NAV1: variants seen among roughly 807,000 people sequenced by gnomAD.
NAV1 encodes pore membrane and/or filament interacting like protein 3.
Under a neutral mutation model 175.2 loss-of-function variants are expected in NAV1, and 18 were observed. That is an observed-to-expected ratio of 0.10 (90% CI 0.07 to 0.15). The LOEUF is 0.15. Ranked by LOEUF, NAV1 falls within the 10% of genes least tolerant of loss-of-function variation. NAV1 has a pLI of 1.00. For missense variants in NAV1, 1,731 were observed against 2,436.6 expected, an observed-to-expected ratio of 0.71 and a Z score of 6.10; for synonymous variants, 897 against 978.7, an observed-to-expected ratio of 0.92 and a Z score of 1.56.
intron 1 of NAV1, among the ~76,000 whole-genome samples, chr1:201,665,590 A>ACCCCCCCC (rs3053790): frequency 5.4e-5 from 7 of 128,530 alleles, no homozygotes; most frequent in South Asian, 2.5e-4. Flanking sequence ...AGAGCACCCC[A>ACCCCCCCC]CCCCCCCCAC....
intron 1 of NAV1, among the ~76,000 whole-genome samples, chr1:201,656,861 T>G (rs1016168434): frequency 6.6e-6 from 1 of 152,204 alleles, no homozygotes; most frequent in Admixed American, 6.5e-5. Flanking sequence ...TTTGGACTCC[T>G]TGGCTTCTTT....
chr1:201,574,773 G>A lies in NAV1; in HGVS notation c.-143-13766G>A, dbSNP rs529928772. 3.9e-5 allele frequency among the ~76,000 whole-genome samples: 6 copies of A among 152,308 alleles called. No individual in the cohort carries two copies. In the South Asian group the frequency reaches 1.0e-3, roughly 26 times the overall value. On this transcript the variant is annotated intron_variant, in intron 1 of 33. Coordinates refer to the NAV1 transcript ENST00000685211. ...ACCACCACCGTCACCAGCGTTGGGA[G>A]CCCTGACCCTCCCTGCCTCTGTTTA...
chr1:201,642,977 TGTTAGCCAGGATGG>T lies in NAV1; in HGVS notation c.5-5656_5-5643del, dbSNP rs1450220827. ...TTTTAGTAGAGAAGGGGTTTCACCG[TGTTAGCCAGGATGG>T]TCTCAATCTCCTGACCTCGTGATCC... On this transcript the variant is annotated intron_variant, in intron 2 of 29. Transcript: ENST00000367302. Among the ~76,000 whole-genome samples the T allele has an allele frequency of 3.6e-3, 541 of 152,154 alleles. 2 individuals are homozygous for T. The highest frequency in any genetic ancestry group is 0.012 in the African/African-American group (491 of 41,520).
intron 1 of NAV1, among the ~76,000 whole-genome samples, chr1:201,649,888 C>G (rs1669121546): frequency 6.6e-6 from 1 of 152,156 alleles, no homozygotes; most frequent in Non-Finnish European, 1.5e-5. Flanking sequence ...CTGATTGGCC[C>G]CGGAACACAG....
intron 1 of NAV1, among the ~76,000 whole-genome samples, chr1:201,587,160 A>G (rs1667055778): frequency 6.6e-6 from 1 of 152,160 alleles, no homozygotes. Flanking sequence ...GCAGTGAGCC[A>G]CGGTTGTGCC....
At chr1:201,784,648 C>G (rs57102596) in intron 7 of NAV1, among the ~76,000 whole-genome samples, 5,744 of 151,662 alleles carry the variant, frequency 0.038, 243 homozygotes, top group African/African-American at 0.11. Flanking sequence ...AGCAATCCTC[C>G]TGCCTCAGCC....
At chr1:201,709,697 A>C (rs933445934) in intron 1 of NAV1, among the ~76,000 whole-genome samples, 2 of 152,178 alleles carry the variant, frequency 1.3e-5, no homozygotes, top group African/African-American at 4.8e-5. Flanking sequence ...TGCAGGGTGT[A>C]GCCTCTGCAG....
chr1:201,621,316 A>T (rs1399804635), upstream of NAV1, among the ~76,000 whole-genome samples: 2 of 148,888 alleles, frequency 1.3e-5, no homozygotes, highest in South Asian at 4.2e-4. Context: ...TACTTGTTGC[A>T]AGTTTTCTTT....
intron 2 of NAV1, among the ~76,000 whole-genome samples, chr1:201,635,317 T>C (rs1668590077): frequency 6.6e-6 from 1 of 152,174 alleles, no homozygotes; most frequent in African/African-American, 2.4e-5. Context: ...AGTGCCAGGA[T>C]TACAGGCGTG....
chr1:201,598,029 G>T (rs1667406251), intron 2 of NAV1, among the ~76,000 whole-genome samples: 1 of 152,202 alleles, frequency 6.6e-6, no homozygotes, highest in Non-Finnish European at 1.5e-5. Context: ...TCTACTACGT[G>T]CCAGGCATGA....
At chr1:201,650,070 A>G (rs556072005) in intron 1 of NAV1, among the ~76,000 whole-genome samples, 1 of 152,322 alleles carries the variant, frequency 6.6e-6, no homozygotes, top group South Asian at 2.1e-4. Flanking sequence ...CCCAACCCCT[A>G]CACCCGCAGG....
intron 3 of NAV1, among the ~76,000 whole-genome samples, chr1:201,756,805 TTTCCTTCTTTC>T (rs1194479888): frequency 1.0e-4 from 3 of 28,850 alleles, no homozygotes; most frequent in East Asian, 4.6e-4. Flanking sequence ...TCTTTCTTTC[TTTCCTTCTTTC>T]TTTCTTTCTT....
intron 2 of NAV1, among the ~76,000 whole-genome samples, chr1:201,714,731 T>C (rs572565317): frequency 6.4e-4 from 97 of 152,244 alleles, no homozygotes; most frequent in African/African-American, 2.1e-3. Flanking sequence ...CAGCACCAAG[T>C]CACCCACCAG....
In NAV1 at chr1:201,788,386, A is replaced by G; in HGVS notation, c.2996-82A>G. On this transcript the variant is annotated intron_variant, in intron 9 of 29. Coordinates refer to ENST00000367296, the Ensembl canonical transcript of NAV1. This position sits in a 1 kb window ranked among gnomAD's most constrained non-coding sequence, Gnocchi z 5.7. ...TCATGCTCCCGGTGCTCCATCCCCC[A>G]AGGGCCCGGAGAGCTGATGACCCTG... is the stretch of plus-strand genomic sequence containing the variant. 2 of 1,473,006 alleles carry G rather than the reference A, an allele frequency of 1.4e-6. No homozygotes were observed. The highest frequency in any genetic ancestry group is 1.9e-6 in the Non-Finnish European group (2 of 1,061,416). 91.2% of individuals were successfully genotyped at this position (1,473,006 alleles called of 1,614,324 possible).
Position 201,683,276 on chromosome 1 carries a change from G to C in NAV1, c.758-29541G>C, listed in dbSNP as rs1670537494. Among the ~76,000 whole-genome samples the C allele has an allele frequency of 2.0e-5, 3 of 152,194 alleles. No homozygotes were observed. The South Asian group carries it at 6.2e-4, about 32-fold the overall frequency. ...ATGTGTTTGGGGGATGAAGACCACA[G>C]AAGTAAAATGCCATTCTCATGACAT... On this transcript the variant is annotated intron_variant, in intron 1 of 29. Transcript: ENST00000367296.
chr1:201,705,931 G>A (rs1219968620), intron 1 of NAV1, among the ~76,000 whole-genome samples: 16 of 152,286 alleles, frequency 1.1e-4, no homozygotes, highest in African/African-American at 3.6e-4. Context: ...GTCACTGGAT[G>A]CAAGAACCAG....
chr1:201,744,444 T>C (rs891388818), intron 3 of NAV1, among the ~76,000 whole-genome samples: 6 of 152,124 alleles, frequency 3.9e-5, no homozygotes, highest in African/African-American at 1.4e-4. Flanking sequence ...AGGCAGACCG[T>C]AGTCCCTGCA....
chr1:201,808,771 C>T lies in NAV1; in HGVS notation c.4107C>T (p.Ser1369=), dbSNP rs746929587. The change falls in exon 20 of 30, where the codon TCC becomes TCT. Residue 1369 remains serine (S), a synonymous_variant. Transcript: ENST00000367296. This position sits in a 1 kb window ranked among gnomAD's most constrained non-coding sequence, Gnocchi z 5.5. ...TAGCCCCAGGCCCCTCATCAGGCTC[C>T]ACTCCAGGGCAGGTCCCTGGATCAT... is the stretch of plus-strand genomic sequence containing the variant. 1.9e-6 allele frequency: 3 copies of T among 1,614,184 alleles called. No individual in the cohort carries two copies. Among genetic ancestry groups the T allele is most frequent in the East Asian group, 4.5e-5 (2 of 44,880 alleles).
At chr1:201,555,818 AGATGG>A (rs1477204844) in intron 1 of NAV1, among the ~76,000 whole-genome samples, 1 of 130,536 alleles carries the variant, frequency 7.7e-6, no homozygotes, top group Non-Finnish European at 1.6e-5. Context: ...TTCGGGAGCC[AGATGG>A]GTTCCCGGGT....
Sources: allele counts gnomAD v4.1 joint callset (sites outside exome capture counted in the v4.1 genomes callset), GRCh38; gene constraint gnomAD v4.1.1; non-coding constraint Gnocchi (gnomAD v3.1); transcripts MANE v1.5; gene names NCBI Gene and HGNC (gene_info 2026-07-23, HGNC 2026-07-21).